BOD1L1: variants seen among roughly 807,000 people sequenced by gnomAD.
BOD1L1 encodes biorientation of chromosomes in cell division 1 like 1.
Under a neutral mutation model 240.7 loss-of-function variants are expected in BOD1L1, and 86 were observed. The ratio of observed to expected loss-of-function variants is 0.36; its 90% CI spans 0.30 to 0.43. The LOEUF is 0.43. Ranked by LOEUF, BOD1L1 falls within the 20% of genes least tolerant of loss-of-function variation. The probability of loss-of-function intolerance (pLI) is 1.00; values close to 1 mark genes in which losing one functional copy is unlikely to be tolerated. For synonymous variants in BOD1L1, 1,268 were observed against 1,272.3 expected (o/e 1.00, Z 0.07); for missense variants, 3,554 against 3,643.5 (o/e 0.98, Z 0.63).
At chr4:13,584,736 G>T (rs1393422010) in intron 17 of BOD1L1, among the ~76,000 whole-genome samples, 1 of 151,944 alleles carries the variant, frequency 6.6e-6, no homozygotes, top group Non-Finnish European at 1.5e-5. Flanking sequence ...TATTTTTCCA[G>T]TGCCTGGAAT....
chr4:13,620,759 T>C (rs1262250688), intron 1 of BOD1L1, among the ~76,000 whole-genome samples: 1 of 152,088 alleles, frequency 6.6e-6, no homozygotes, highest in Non-Finnish European at 1.5e-5. Flanking sequence ...TAGGAAAGCA[T>C]GCAATAAACT....
At position 13,602,930 on chromosome 4, in the gene BOD1L1, C is replaced by A. The variant is rs1451700178; in HGVS notation, c.3970G>T (p.Ala1324Ser). ...TASTSPADHS[A>S]LPNQSLTVRE... Reference sequence around the variant, plus strand: ...ACAGTCAGACTTTGGTTAGGGAGAGCAGAGTGATCCGCAGGGGAGGTGCTG... The same window carrying A: ...ACAGTCAGACTTTGGTTAGGGAGAGAAGAGTGATCCGCAGGGGAGGTGCTG... The change falls in exon 10 of 26, where the codon GCT (alanine) becomes TCT (serine). Residue 1324 changes from alanine (A) to serine (S), a missense_variant. Physicochemically the swap from Ala to Ser is moderately conservative, Grantham distance 99 (BLOSUM62 1). Around this residue, in one of 2 missense-constraint regions of BOD1L1, gnomAD observed 3,393 missense variants for 3,427.1 expected, o/e 0.99. Coordinates refer to ENST00000040738, the MANE Select transcript of BOD1L1 (RefSeq NM_148894.3). 6.2e-7 allele frequency: 1 copy of A among 1,613,964 alleles called. No individual in the cohort carries two copies. The highest frequency in any genetic ancestry group is 1.7e-5 in the Admixed American group (1 of 60,020).
chr4:13,601,679 T>C lies in BOD1L1; in HGVS notation c.5221A>G (p.Ile1741Val), dbSNP rs1208910756. 10 of 1,613,888 alleles carry C rather than the reference T, an allele frequency of 6.2e-6. No individual in the cohort carries two copies. Among genetic ancestry groups the C allele is most frequent in the African/African-American group, 1.3e-5 (1 of 74,916 alleles). Residue 1741 changes from isoleucine (I) to valine (V), a missense_variant, in exon 10 of 26, where the codon ATC (isoleucine) becomes GTC (valine). This residue lies in a region of BOD1L1 where 3,393 missense variants were observed against 3,427.1 expected (regional missense o/e 0.99). Transcript: ENST00000040738. ...GAEGRSDNFV[I>V]CSVTGAGPRE... ...GGCCCTGCTCCAGTTACTGAGCAGA[T>C]CACAAAGTTATCACTTCTGCCTTCT... is the stretch of plus-strand genomic sequence containing the variant.
At chr4:13,575,352 A>G (rs1712622328) in intron 25 of BOD1L1, among the ~76,000 whole-genome samples, 1 of 152,138 alleles carries the variant, frequency 6.6e-6, no homozygotes, top group South Asian at 2.1e-4. Context: ...CAAGATTAAT[A>G]GCTTGTAAAT....
At position 13,605,083 on chromosome 4, in the gene BOD1L1, T is replaced by C; in HGVS notation, c.1817A>G (p.His606Arg). 6.5e-7 allele frequency: 1 copy of C among 1,535,416 alleles called. No individual in the cohort carries two copies. The highest frequency in any genetic ancestry group is 8.7e-7 in the Non-Finnish European group (1 of 1,149,136). Reference protein sequence around the residue: ...DSKETLKTSEHCEKEKISSSK... With the variant: ...DSKETLKTSERCEKEKISSSK... ...AGAAGAAATTTTTTCCTTTTCACAA[T>C]GCTGAAAGAAAACAAAGGTTAAAAT... The change falls in exon 10 of 26, where the codon CAT becomes CGT. Residue 606 changes from histidine to arginine, a missense_variant and splice_region_variant. Coordinates refer to ENST00000040738, the MANE Select transcript of BOD1L1 (RefSeq NM_148894.3).
Position 13,604,582 on chromosome 4 carries a change from T to C in BOD1L1, c.2318A>G (p.Gln773Arg). The change falls in exon 10 of 26, where the codon CAA (glutamine) becomes CGA (arginine). Residue 773 changes from glutamine to arginine, a missense_variant. Physicochemically the swap from Gln to Arg is conservative, Grantham distance 43 (BLOSUM62 1). Around this residue, in one of 2 missense-constraint regions of BOD1L1, gnomAD observed 3,393 missense variants for 3,427.1 expected, o/e 0.99. Coordinates refer to ENST00000040738, the MANE Select transcript of BOD1L1 (RefSeq NM_148894.3). ...AAGCTTTGTTTGTTGACTTTGCTTT[T>C]GAATATTTTCCTCTACTTTTAAACC... ...EKGLKVEENI[Q>R]KQSQQTKLSS... is the part of the protein sequence containing the mutation. 1 of 1,567,606 alleles carries C rather than the reference T, an allele frequency of 6.4e-7. No individual in the cohort carries two copies. The highest frequency in any genetic ancestry group is 8.6e-7 in the Non-Finnish European group (1 of 1,165,668).
chr4:13,590,578 C>T, intron 13 of BOD1L1, 132 bp from the exon 14 acceptor site: 1 of 431,562 alleles, frequency 2.3e-6, no homozygotes, highest in Non-Finnish European at 4.3e-6. Flanking sequence ...GGTACATATT[C>T]TTTTTAATTT....
intron 25 of BOD1L1, among the ~76,000 whole-genome samples, chr4:13,574,079 A>G (rs906222061): frequency 6.6e-6 from 1 of 152,212 alleles, no homozygotes; most frequent in Non-Finnish European, 1.5e-5. Context: ...GCTGCCCTCA[A>G]ATATGTAAGG....
intron 1 of BOD1L1, among the ~76,000 whole-genome samples, chr4:13,626,537 C>T (rs189082429): frequency 3.7e-4 from 57 of 152,210 alleles, no homozygotes; most frequent in African/African-American, 1.3e-3. Flanking sequence ...TTTGCCAATC[C>T]AGCTAAGTTT....
Position 13,590,424 on chromosome 4 carries a change from G to T in BOD1L1, c.8171C>A (p.Thr2724Lys). ...SLNVENSGFR[T>K]NEEIHSESYN... ...AGATTCGCTATGAATTTCTTCATTT[G>T]TTCTGAAGCCTGAATTTTCAACCTA... Residue 2724 changes from threonine to lysine, a missense_variant, in exon 14 of 26, where the codon ACA (threonine) becomes AAA (lysine). By Grantham distance (78) the Thr-to-Lys change is moderately conservative. This residue lies in a region of BOD1L1 where 3,393 missense variants were observed against 3,427.1 expected (regional missense o/e 0.99). Coordinates refer to ENST00000040738, the MANE Select transcript of BOD1L1 (RefSeq NM_148894.3). 6.6e-7 allele frequency: 1 copy of T among 1,523,248 alleles called. No individual in the cohort carries two copies. Among genetic ancestry groups the T allele is most frequent in the Non-Finnish European group, 9.0e-7 (1 of 1,113,614 alleles). The allele number at this position is 1,523,248 out of a possible 1,614,324, so 94.4% of individuals were successfully genotyped here.
chr4:13,580,974 G>A (rs1268906536), intron 21 of BOD1L1, 46 bp downstream of exon 21: 3 of 1,522,144 alleles, frequency 2.0e-6, no homozygotes, highest in Non-Finnish European at 8.9e-7. Context: ...CCGTTTTTCA[G>A]GTTAAGAGCA....
Position 13,587,791 on chromosome 4 carries a change from T to A in BOD1L1, c.8281-20A>T. On this transcript the variant is annotated intron_variant, in intron 15 of 25. Transcript: ENST00000040738. Reference sequence around the variant, plus strand: ...TTCAACCTGGAATTAAGAATGACTATATCAAAGGCCATAGAATCTTGATTC... The same window carrying A: ...TTCAACCTGGAATTAAGAATGACTAAATCAAAGGCCATAGAATCTTGATTC... 1 of 1,475,566 alleles carries A rather than the reference T, an allele frequency of 6.8e-7. No homozygotes were observed. The highest frequency in any genetic ancestry group is 9.3e-7 in the Non-Finnish European group (1 of 1,077,406). 91.4% of individuals were successfully genotyped at this position (1,475,566 alleles called of 1,614,324 possible).
chr4:13,623,291 T>C (rs1000126836), intron 1 of BOD1L1: 2 of 152,134 alleles, frequency 1.3e-5, no homozygotes, highest in African/African-American at 4.8e-5. Flanking sequence ...GCTCAATGAA[T>C]GTTTGTTGGG....
Position 13,601,353 on chromosome 4 carries a change from AC to A in BOD1L1, c.5546del (p.Cys1849LeufsTer7). ...TGCTAGTCACAATGCCTTCATCATC[AC>A]AAGGACCAGCAGCAACTAATGGTAC... ...TNVPLVAAGP[C>X]DDEGIVTSTG... On this transcript the variant is annotated frameshift_variant, in exon 10 of 26. Transcript: ENST00000040738. LOFTEE classifies it high-confidence loss of function. 1 of 1,613,910 alleles carries A rather than the reference AC, an allele frequency of 6.2e-7. No homozygotes were observed. Among genetic ancestry groups the A allele is most frequent in the Non-Finnish European group, 8.5e-7 (1 of 1,179,888 alleles).
At chr4:13,616,971 GCA>G (rs1553847763) in intron 2 of BOD1L1, among the ~76,000 whole-genome samples, 2 of 152,178 alleles carry the variant, frequency 1.3e-5, no homozygotes, top group Non-Finnish European at 1.5e-5. Flanking sequence ...AAAGGACCGG[GCA>G]TGGTGGCTCA....
intron 13 of BOD1L1, 52 bp downstream of exon 13, chr4:13,591,871 A>T (rs1227408938): frequency 8.8e-5 from 123 of 1,404,050 alleles, no homozygotes; most frequent in Non-Finnish European, 1.1e-4. Flanking sequence ...CCAAAAAAAT[A>T]AAATTAAAAA....
intron 8 of BOD1L1, among the ~76,000 whole-genome samples, chr4:13,607,644 A>G (rs74823419): frequency 6.6e-6 from 1 of 152,338 alleles, no homozygotes; most frequent in East Asian, 1.9e-4. Context: ...GACTTGTTAC[A>G]TTTCAATTTA....
At chr4:13,624,918 C>G (rs1393188214) in intron 1 of BOD1L1, 1 of 152,190 alleles carries the variant, frequency 6.6e-6, no homozygotes, top group African/African-American at 2.4e-5. Context: ...AGATGAAACT[C>G]AAGGATTCCA....
intron 5 of BOD1L1, 116 bp from the exon 6 acceptor site, chr4:13,611,216 G>T: frequency 1.6e-6 from 1 of 637,694 alleles, no homozygotes; most frequent in Non-Finnish European, 2.5e-6. Flanking sequence ...GAAATATCAG[G>T]ATGTGAAGAT....
Sources: allele counts gnomAD v4.1 joint callset (sites outside exome capture counted in the v4.1 genomes callset), GRCh38; gene constraint gnomAD v4.1.1; regional missense constraint gnomAD v4.1.1; transcripts MANE v1.5; gene names NCBI Gene and HGNC (gene_info 2026-07-23, HGNC 2026-07-21).